AKAP1: variants seen among roughly 807,000 people sequenced by gnomAD.
AKAP1 encodes the protein A-kinase anchor protein 1, mitochondrial.
In AKAP1, 32 loss-of-function variants were observed where a neutral mutation model predicts 79.8. That is an observed-to-expected ratio of 0.40 (90% confidence interval 0.30 to 0.54). AKAP1 has a LOEUF of 0.54. AKAP1 is among the 20% of genes least tolerant of loss of function. AKAP1 has a pLI of 0.47. For missense variants in AKAP1, 961 were observed against 1,138.9 expected (o/e 0.84, Z 2.25); for synonymous variants, 416 against 466.7 (o/e 0.89, Z 1.40).
At chr17:57,119,098 A>G in intron 10 of AKAP1, 54 bp downstream of exon 10, 1 of 1,571,602 alleles carries the variant, frequency 6.4e-7, no homozygotes, top group South Asian at 1.1e-5. Context: ...TAATGGATTG[A>G]TTAGGAGCTG....
intron 2 of AKAP1, 119 bp from the exon 3 acceptor site, chr17:57,109,906 G>C: frequency 7.4e-7 from 1 of 1,358,592 alleles, no homozygotes; most frequent in African/African-American, 1.5e-5. Context: ...CACCTGCCAA[G>C]CTTGAGGAGC....
rs1176239551 is a variant in AKAP1 at position 57,106,795 on chromosome 17, C to A, written c.1331C>A (p.Ser444Tyr). The change falls in exon 2 of 11, where the codon TCC (serine) becomes TAC (tyrosine). Residue 444 changes from serine (S) to tyrosine (Y), a missense_variant. By Grantham distance (144) the Ser-to-Tyr change is moderately radical (BLOSUM62 -2). Transcript: ENST00000337714. ...GTGAGCTGCCTGAAGAGCCTTCTGT[C>A]CAGCCCCACCAAGGACAGTAAGCCA... ...TYVSCLKSLL[S>Y]SPTKDSKPNI... The A allele has an allele frequency of 1.2e-6, 2 of 1,614,032 alleles. No individual in the cohort carries two copies. Among genetic ancestry groups the A allele is most frequent in the Non-Finnish European group, 1.7e-6 (2 of 1,180,062 alleles).
rs760786475 is a variant in AKAP1 at position 57,106,431 on chromosome 17, GGCTTGGATAGAAATGAGGAGA to G, written c.988_1008del (p.Ser330_Glu336del). ...GGAGGGCTTGGATAGAAATGAGGAGGGCTTGGATAGAAATGAGGAGAGCTTGGATAGAAATGAGGAGGGCTT... is the reference window on the plus strand; with the variant it reads ...GGAGGGCTTGGATAGAAATGAGGAGGGCTTGGATAGAAATGAGGAGGGCTT... On this transcript the variant is annotated inframe_deletion, in exon 2 of 11. Coordinates refer to ENST00000337714, the MANE Select transcript of AKAP1 (RefSeq NM_003488.4). 4,339 of 1,442,594 alleles carry G rather than the reference GGCTTGGATAGAAATGAGGAGA, an allele frequency of 3.0e-3. 174 individuals carry two copies. The African/African-American group carries it at 0.053, about 17-fold the overall frequency. 89.4% of individuals were successfully genotyped at this position (1,442,594 alleles called of 1,614,324 possible).
rs746628278 is a variant in AKAP1, at chr17:57,116,095, G to A, written c.2282-16G>A. The A allele has an allele frequency of 7.5e-6, 12 of 1,609,934 alleles. No homozygotes were observed. The South Asian group carries it at 1.2e-4, about 16-fold the overall frequency. On this transcript the variant is annotated splice_polypyrimidine_tract_variant and intron_variant, in intron 6 of 10. Transcript: ENST00000337714. ...CTGGCCCAGGCGTTCCACGCACTCT[G>A]CTCCCTACCCTGCAGTAACGGTCAT... is the stretch of plus-strand genomic sequence containing the variant.
chr17:57,086,110 AT>A lies in AKAP1; in HGVS notation c.-25+714del, dbSNP rs1422968330. The A allele has an allele frequency of 2.0e-5, 5 of 249,462 alleles. No individual in the cohort carries two copies. The highest frequency in any genetic ancestry group is 4.0e-5 in the Non-Finnish European group (5 of 123,832). The allele number at this position is 249,462 out of a possible 1,614,324, so 15.5% of individuals were successfully genotyped here. A position where few individuals can be genotyped will look rare whatever the true frequency, so the allele number is the denominator to read the frequency against. On this transcript the variant is annotated intron_variant, in intron 1 of 10. Transcript: ENST00000337714. This position sits in a 1 kb window ranked among gnomAD's most constrained non-coding sequence, Gnocchi z 5.1. ...CAGGGGCGTCTCGGGGGGAATTTGC[AT>A]TCGTAGCCCCTGCAGGCGTGTCCGG...
At chr17:57,098,419 T>A (rs1192534583) in intron 1 of AKAP1, 1 of 152,084 alleles carries the variant, frequency 6.6e-6, no homozygotes, top group African/African-American at 2.4e-5. Flanking sequence ...GATTAGCTTG[T>A]GAGTAGGAAG....
chr17:57,118,968 C>A lies in AKAP1; in HGVS notation c.2575-14C>A, dbSNP rs369080862. ...AAACCTAACCATATTATTCTTTCCA[C>A]CCCCCTTCTTCAGGTGACAAGTTAC... On this transcript the variant is annotated splice_polypyrimidine_tract_variant and intron_variant, in intron 9 of 10. Transcript: ENST00000337714. 3 of 1,611,858 alleles carry A rather than the reference C, an allele frequency of 1.9e-6. No individual in the cohort carries two copies. Among genetic ancestry groups the A allele is most frequent in the Non-Finnish European group, 2.5e-6 (3 of 1,178,242 alleles).
At chr17:57,096,973 G>A (rs1286125259) in intron 1 of AKAP1, among the ~76,000 whole-genome samples, 1 of 152,068 alleles carries the variant, frequency 6.6e-6, no homozygotes. Flanking sequence ...GCCAGTATTG[G>A]ATAGCAGTCA....
intron 3 of AKAP1, among the ~76,000 whole-genome samples, chr17:57,111,469 G>A (rs191619950): frequency 4.6e-5 from 7 of 152,334 alleles, no homozygotes; most frequent in Non-Finnish European, 1.0e-4. Flanking sequence ...CCGGGTCTGG[G>A]CCACATTGTT....
At chr17:57,108,888 A>T (rs1436127026) in intron 2 of AKAP1, among the ~76,000 whole-genome samples, 1 of 152,012 alleles carries the variant, frequency 6.6e-6, no homozygotes, top group Non-Finnish European at 1.5e-5. Context: ...GAGTGAGCAG[A>T]GCTCCCCGCC....
At chr17:57,120,147 C>T in intron 10 of AKAP1, 103 bp from the exon 11 acceptor site, 1 of 970,268 alleles carries the variant, frequency 1.0e-6, no homozygotes. Context: ...TCTCATACAT[C>T]TGTTGCCTGC....
In AKAP1 at chr17:57,120,418, C is replaced by G. The variant is rs1915858720; in HGVS notation, c.*94C>G. ...TGAACATCGGAATAACAAACATTGT[C>G]CTCTCCAGAAAGTCCTTTCTTTCTC... is the stretch of plus-strand genomic sequence containing the variant. On this transcript the variant is annotated 3_prime_UTR_variant, in exon 11 of 11. Transcript: ENST00000337714. 5.3e-6 allele frequency: 6 copies of G among 1,138,320 alleles called. No homozygotes were observed. The highest frequency in any genetic ancestry group is 7.7e-6 in the Non-Finnish European group (6 of 781,110). The allele number at this position is 1,138,320 out of a possible 1,614,324, so 70.5% of individuals were successfully genotyped here.
rs201863752 is a variant in AKAP1, at chr17:57,106,020, C to A, written c.556C>A (p.Pro186Thr). The change falls in exon 2 of 11, where the codon CCC becomes ACC. Residue 186 changes from proline (P) to threonine (T), a missense_variant. Physicochemically the swap from Pro to Thr is conservative, Grantham distance 38. Transcript: ENST00000337714. The stretch of plus-strand genomic sequence containing the variant: ...GGTCCAGCCAGGCTACCCCGTAGTC[C>A]CCGCAGAGAAGCGTAGCTCTGGGGA... ...RKVQPGYPVVPAEKRSSGERA... is the reference protein window; with the variant it reads ...RKVQPGYPVVTAEKRSSGERA... The A allele has an allele frequency of 2.5e-6, 4 of 1,613,622 alleles. No individual in the cohort carries two copies. The highest frequency in any genetic ancestry group is 3.4e-6 in the Non-Finnish European group (4 of 1,179,918).
At position 57,106,335 on chromosome 17, in the gene AKAP1, G is replaced by A. The variant is rs142149320; in HGVS notation, c.871G>A (p.Ala291Thr). 12 of 1,613,980 alleles carry A rather than the reference G, an allele frequency of 7.4e-6. No homozygotes were observed. Among genetic ancestry groups the A allele is most frequent in the East Asian group, 2.2e-5 (1 of 44,872 alleles). ...KDDAAPAPPV[A>T]DAKAQDRGVE... ...CGATGCGGCGCCAGCACCCCCAGTC[G>A]CAGACGCCAAAGCCCAGGATAGAGG... Residue 291 changes from alanine (A) to threonine (T), a missense_variant, in exon 2 of 11, where the codon GCA (alanine) becomes ACA (threonine). Physicochemically the swap from Ala to Thr is moderately conservative, Grantham distance 58. Coordinates refer to ENST00000337714, the MANE Select transcript of AKAP1 (RefSeq NM_003488.4).
intron 1 of AKAP1, chr17:57,092,721 C>G (rs965978190): frequency 3.9e-4 from 60 of 152,220 alleles, no homozygotes; most frequent in African/African-American, 1.1e-3. Flanking sequence ...ACTAAAGCCC[C>G]TTGGCTCTTC....
intron 5 of AKAP1, 140 bp downstream of exon 5, chr17:57,112,758 T>C: frequency 7.9e-7 from 1 of 1,266,756 alleles, no homozygotes; most frequent in Non-Finnish European, 1.1e-6. Flanking sequence ...CCTCTGCTGG[T>C]CGGTTCTGCT....
In AKAP1 at chr17:57,106,536, G is replaced by A. The variant is rs144314049; in HGVS notation, c.1072G>A (p.Glu358Lys). Residue 358 changes from glutamate (E) to lysine (K), a missense_variant, in exon 2 of 11, where the codon GAA (glutamate) becomes AAA (lysine). Glu to Lys is a moderately conservative substitution (Grantham distance 56). Transcript: ENST00000337714. Reference protein sequence around the residue: ...AFQIISQVISEATEQVLATTV... With the variant: ...AFQIISQVISKATEQVLATTV... Reference sequence around the variant, plus strand: ...CCAGATAATCTCCCAAGTGATCTCAGAAGCAACCGAACAGGTGCTGGCCAC... The same window carrying A: ...CCAGATAATCTCCCAAGTGATCTCAAAAGCAACCGAACAGGTGCTGGCCAC... The A allele has an allele frequency of 4.3e-6, 7 of 1,614,114 alleles. No homozygotes were observed. The African/African-American group carries it at 8.0e-5, about 18-fold the overall frequency.
rs1335937090 is a variant in AKAP1 at position 57,107,064 on chromosome 17, C to T, written c.1600C>T (p.Pro534Ser). The T allele has an allele frequency of 1.9e-6, 3 of 1,614,214 alleles. No homozygotes were observed. Among genetic ancestry groups the T allele is most frequent in the African/African-American group, 1.3e-5 (1 of 75,062 alleles). Residue 534 changes from proline to serine, a missense_variant, in exon 2 of 11, where the codon CCG (proline) becomes TCG (serine). Physicochemically the swap from Pro to Ser is moderately conservative, Grantham distance 74. Coordinates refer to ENST00000337714, the MANE Select transcript of AKAP1 (RefSeq NM_003488.4). ...GAGCCCCAGGGACAAGGCCATCACCCCGCCACTGCCAGAAAGTACTGTGCC... is the reference window on the plus strand; with the variant it reads ...GAGCCCCAGGGACAAGGCCATCACCTCGCCACTGCCAGAAAGTACTGTGCC... ...SSSPRDKAIT[P>S]PLPESTVPFS...
At chr17:57,116,796 A>C (rs1486577034) in intron 7 of AKAP1, 64 bp from the exon 8 acceptor site, 1 of 1,452,282 alleles carries the variant, frequency 6.9e-7, no homozygotes, top group Admixed American at 1.7e-5. Flanking sequence ...AAAGATGAAT[A>C]CTGGCTTGGA....
Sources: gnomAD v4.1 joint callset for allele counts (sites outside exome capture counted in the v4.1 genomes callset) on GRCh38, gnomAD v4.1.1 for gene constraint, Gnocchi (gnomAD v3.1) non-coding constraint, MANE v1.5 for transcripts, NCBI Gene and HGNC (gene_info 2026-07-23, HGNC 2026-07-21) for gene names.